The following MBNL2 variants were observed in gnomAD, a reference collection of about 807,000 sequenced individuals.
MBNL2 encodes muscleblind like splicing regulator 2, also known as muscleblind-like protein 2.
In MBNL2, 17 loss-of-function variants were observed where a neutral mutation model predicts 41.9. The ratio of observed to expected loss-of-function variants is 0.41; its 90% CI spans 0.28 to 0.61. The LOEUF (loss-of-function observed/expected upper bound fraction) is 0.61, where lower values mean the gene tolerates loss of function less well. Ranked by LOEUF, MBNL2 falls within the 20% of genes least tolerant of loss-of-function variation. The probability of loss-of-function intolerance (pLI) is 0.35; values close to 1 mark genes in which losing one functional copy is unlikely to be tolerated. For missense variants in MBNL2, 336 were observed against 505.6 expected (o/e 0.66, Z 3.22); for synonymous variants, 195 against 182.9 (o/e 1.07, Z -0.53).
intron 3 of MBNL2, among the ~76,000 whole-genome samples, chr13:97,340,512 T>C (rs2061362931): frequency 6.6e-6 from 1 of 152,214 alleles, no homozygotes; most frequent in African/African-American, 2.4e-5. Flanking sequence ...TTTTACAGTA[T>C]TAATGAGAGC....
chr13:97,355,013 A>G (rs781214843), intron 5 of MBNL2, among the ~76,000 whole-genome samples: 20 of 152,246 alleles, frequency 1.3e-4, no homozygotes, highest in Non-Finnish European at 2.4e-4. Flanking sequence ...ACCCTGCACT[A>G]CTTAACAATG....
At chr13:97,192,079 A>G in the MBNL2 span, among the ~76,000 whole-genome samples, 3 of 152,198 alleles carry the variant, frequency 2.0e-5, no homozygotes, top group Admixed American at 6.5e-5. Context: ...CAGGCCTGTT[A>G]CTGTGGCAGC....
At chr13:97,362,940 A>T (rs2063530015) in intron 7 of MBNL2, 1 of 152,264 alleles carries the variant, frequency 6.6e-6, no homozygotes. Flanking sequence ...TGTGAGGCAT[A>T]ACTTTCAGTT....
At chr13:97,347,331 C>T (rs989670396) in intron 5 of MBNL2, among the ~76,000 whole-genome samples, 12 of 152,086 alleles carry the variant, frequency 7.9e-5, no homozygotes, top group Non-Finnish European at 1.5e-4. Flanking sequence ...CCTAGGGTGG[C>T]GGAGATTGAG....
intron 2 of MBNL2, among the ~76,000 whole-genome samples, chr13:97,302,559 T>C (rs2057732264): frequency 6.6e-6 from 1 of 152,232 alleles, no homozygotes; most frequent in Non-Finnish European, 1.5e-5. Context: ...CAACTAACCC[T>C]ATGATATTGG....
chr13:97,208,467 T>C, the MBNL2 span, among the ~76,000 whole-genome samples: 1 of 152,304 alleles, frequency 6.6e-6, no homozygotes, highest in African/African-American at 2.4e-5. Flanking sequence ...GATTGTACAA[T>C]AGAACTGGAT....
intron 2 of MBNL2, among the ~76,000 whole-genome samples, chr13:97,304,017 A>G (rs374359571): frequency 1.2e-4 from 18 of 152,332 alleles, no homozygotes; most frequent in East Asian, 3.9e-4. Flanking sequence ...TGGCCTGACA[A>G]GCCCTCTCCC....
At chr13:97,196,680 G>A in the MBNL2 span, among the ~76,000 whole-genome samples, 11 of 152,270 alleles carry the variant, frequency 7.2e-5, no homozygotes, top group South Asian at 8.3e-4. Flanking sequence ...CTGAGTGTCC[G>A]GGTGATGAAT....
the MBNL2 span, among the ~76,000 whole-genome samples, chr13:97,209,184 G>A: frequency 5.9e-4 from 89 of 152,126 alleles, no homozygotes; most frequent in African/African-American, 2.1e-3. Context: ...TTTCTACTTC[G>A]AGGATAATGT....
At chr13:97,223,033 A>C (rs973832462) in intron 1 of MBNL2, among the ~76,000 whole-genome samples, 2 of 152,232 alleles carry the variant, frequency 1.3e-5, no homozygotes, top group African/African-American at 4.8e-5. Context: ...CTACAGCTTT[A>C]ATTGAGTTTC....
chr13:97,386,579 C>T (rs2065940261), intron 8 of MBNL2, among the ~76,000 whole-genome samples: 1 of 152,156 alleles, frequency 6.6e-6, no homozygotes, highest in Non-Finnish European at 1.5e-5. Flanking sequence ...GGTTGGCTAC[C>T]ACTGCACTGT....
intron 2 of MBNL2, among the ~76,000 whole-genome samples, chr13:97,279,814 G>T (rs1451535294): frequency 6.6e-6 from 1 of 152,194 alleles, no homozygotes; most frequent in Non-Finnish European, 1.5e-5. Flanking sequence ...TTGGTGGAAA[G>T]TGATTTGCTG....
At chr13:97,374,062 C>CTTTTTTT (rs1594284568) in intron 8 of MBNL2, among the ~76,000 whole-genome samples, 11 of 53,372 alleles carry the variant, frequency 2.1e-4, no homozygotes, top group African/African-American at 3.7e-4. Flanking sequence ...TCCTCCTTTG[C>CTTTTTTT]ATTTTTTTTT....
At position 97,268,042 on chromosome 13, in the gene MBNL2, G is replaced by A. The variant is rs1227715572; in HGVS notation, c.-604-7590G>A. 6.6e-6 allele frequency among the ~76,000 whole-genome samples: 1 copy of A among 152,040 alleles called. No individual in the cohort carries two copies. The highest frequency in any genetic ancestry group is 2.4e-5 in the African/African-American group (1 of 41,390). ...GGGTATCTGATCCAGGACCTTGGTGGTGGGGCCTAAGAGTGTGCTTTTCTT... is the reference window on the plus strand; with the variant it reads ...GGGTATCTGATCCAGGACCTTGGTGATGGGGCCTAAGAGTGTGCTTTTCTT... On this transcript the variant is annotated intron_variant, in intron 1 of 8. Transcript: ENST00000679496. The surrounding 1 kb of genome is among the most constrained non-coding windows in gnomAD (Gnocchi z 4.6).
chr13:97,376,800 C>G (rs774767691), intron 8 of MBNL2, among the ~76,000 whole-genome samples: 1 of 152,184 alleles, frequency 6.6e-6, no homozygotes, highest in Non-Finnish European at 1.5e-5. Flanking sequence ...TTTCCACCAT[C>G]ATACCATACC....
At chr13:97,348,419 T>G (rs1250019207) in intron 5 of MBNL2, among the ~76,000 whole-genome samples, 1 of 152,164 alleles carries the variant, frequency 6.6e-6, no homozygotes, top group East Asian at 1.9e-4. Context: ...GCTTGAGAAC[T>G]TCTGCATTAG....
At chr13:97,272,217 GTCT>G (rs1566380919) in intron 1 of MBNL2, among the ~76,000 whole-genome samples, 1 of 152,120 alleles carries the variant, frequency 6.6e-6, no homozygotes, top group Non-Finnish European at 1.5e-5. Flanking sequence ...CTGCGTAAAT[GTCT>G]TCTTTTGAGA....
the MBNL2 span, among the ~76,000 whole-genome samples, chr13:97,161,501 C>T: frequency 6.6e-6 from 1 of 152,182 alleles, no homozygotes; most frequent in Admixed American, 6.5e-5. Flanking sequence ...AAAGGTACTG[C>T]ACTGCCCTTA....
chr13:97,219,091 G>A (rs2040650805), upstream of MBNL2, among the ~76,000 whole-genome samples: 1 of 152,100 alleles, frequency 6.6e-6, no homozygotes, highest in African/African-American at 2.4e-5. Flanking sequence ...GTGTCACCTG[G>A]GAGCTTGTTA....
Sources: gnomAD v4.1 joint callset for allele counts (sites outside exome capture counted in the v4.1 genomes callset) on GRCh38, gnomAD v4.1.1 for gene constraint, Gnocchi (gnomAD v3.1) non-coding constraint, MANE v1.5 for transcripts, NCBI Gene and HGNC (gene_info 2026-07-23, HGNC 2026-07-21) for gene names.